Variants in NRG1 observed in about 807,000 individuals in gnomAD.
NRG1 encodes pro-neuregulin-1, membrane-bound isoform.
A neutral mutation model predicts 63.8 loss-of-function variants in NRG1; 18 were observed. The observed-to-expected ratio is 0.28, with a 90% CI of 0.19 to 0.42. NRG1 has a LOEUF of 0.42. Among genes scored for constraint, NRG1 ranks in the 10% least tolerant of loss-of-function variants. The probability of loss-of-function intolerance (pLI) is 1.00; values close to 1 mark genes in which losing one functional copy is unlikely to be tolerated. For missense variants in NRG1, 762 were observed against 814.7 expected (o/e 0.94, Z 0.79); for synonymous variants, 302 against 301.3 (o/e 1.00, Z -0.02).
At chr8:32,658,666 A>G (rs928499448) in intron 5 of NRG1, among the ~76,000 whole-genome samples, 6 of 152,196 alleles carry the variant, frequency 3.9e-5, no homozygotes, top group African/African-American at 1.4e-4. Flanking sequence ...CAGAGACCAC[A>G]TAGAGCCAGA....
chr8:31,647,998 T>G (rs1489103170), intron 1 of NRG1, among the ~76,000 whole-genome samples: 1 of 152,096 alleles, frequency 6.6e-6, no homozygotes, highest in Non-Finnish European at 1.5e-5. Context: ...CTCACTGCAA[T>G]CCATCTCCAG....
At chr8:32,759,741 C>A (rs919020264) in intron 10 of NRG1, among the ~76,000 whole-genome samples, 4 of 152,126 alleles carry the variant, frequency 2.6e-5, no homozygotes, top group African/African-American at 9.7e-5. Flanking sequence ...CAATTTCTTT[C>A]AGTAATTGGA....
intron 1 of NRG1, among the ~76,000 whole-genome samples, chr8:32,345,957 A>G (rs10111842): frequency 0.52 from 78,284 of 151,330 alleles, 21,173 homozygotes; most frequent in Non-Finnish European, 0.61. Flanking sequence ...GCAGTGAGCC[A>G]AGATGGCACC....
chr8:32,626,353 T>C (rs1849265205), intron 5 of NRG1, among the ~76,000 whole-genome samples: 1 of 149,262 alleles, frequency 6.7e-6, no homozygotes, highest in South Asian at 2.1e-4. Flanking sequence ...GACTTTCAAA[T>C]TAAGTTTTTT....
At chr8:31,653,954 G>A (rs1388356008) in intron 1 of NRG1, among the ~76,000 whole-genome samples, 2 of 70,002 alleles carry the variant, frequency 2.9e-5, no homozygotes, top group Admixed American at 1.6e-4. Flanking sequence ...TTCATGATGC[G>A]CTTTTTTTTT....
chr8:32,690,315 C>T (rs1038722574), intron 5 of NRG1, among the ~76,000 whole-genome samples: 3 of 152,052 alleles, frequency 2.0e-5, no homozygotes, highest in Admixed American at 6.6e-5. Flanking sequence ...CTTATCCCCC[C>T]GCCCCCCACA....
chr8:32,763,695 C>T, intron 11 of NRG1, 53 bp from the exon 12 acceptor site: 1 of 1,488,800 alleles, frequency 6.7e-7, no homozygotes, highest in Non-Finnish European at 9.0e-7. Flanking sequence ...ACCTTCCCTG[C>T]TATGTGCCTC....
intron 1 of NRG1, among the ~76,000 whole-genome samples, chr8:32,145,828 A>G (rs1298106919): frequency 1.3e-5 from 2 of 152,184 alleles, no homozygotes; most frequent in Non-Finnish European, 2.9e-5. Context: ...TCTAAAATTC[A>G]CTACTTCTCT....
intron 1 of NRG1, among the ~76,000 whole-genome samples, chr8:31,769,101 A>G (rs1438542031): frequency 6.6e-6 from 1 of 152,316 alleles, no homozygotes; most frequent in East Asian, 1.9e-4. Context: ...CATTTTGCCA[A>G]TTTTGTGTCA....
intron 1 of NRG1, among the ~76,000 whole-genome samples, chr8:32,407,919 A>G (rs911839231): frequency 6.6e-6 from 1 of 152,222 alleles, no homozygotes; most frequent in African/African-American, 2.4e-5. Flanking sequence ...TGCAGAATGT[A>G]TCAGGATGGA....
chr8:31,686,194 C>G (rs1243093286), intron 1 of NRG1, among the ~76,000 whole-genome samples: 1 of 152,140 alleles, frequency 6.6e-6, no homozygotes, highest in Non-Finnish European at 1.5e-5. Flanking sequence ...TAAAATCTGT[C>G]TCCAAAATGG....
chr8:32,006,068 G>A (rs1342564502), intron 1 of NRG1, among the ~76,000 whole-genome samples: 1 of 151,830 alleles, frequency 6.6e-6, no homozygotes, highest in Non-Finnish European at 1.5e-5. Flanking sequence ...GAGTTTCGAG[G>A]CATTATTCAA....
chr8:32,593,854 C>CA (rs11444147), intron 1 of NRG1, among the ~76,000 whole-genome samples: 49,332 of 96,858 alleles, frequency 0.51, 10,996 homozygotes, highest in East Asian at 0.76. Flanking sequence ...TTCAAGGTGT[C>CA]AAAAAAAAAA....
chr8:32,427,151 C>T (rs1817488022), intron 1 of NRG1, among the ~76,000 whole-genome samples: 1 of 152,104 alleles, frequency 6.6e-6, no homozygotes, highest in Admixed American at 6.6e-5. Flanking sequence ...TGTTGTCCTT[C>T]CACATCTGGG....
At chr8:32,702,520 C>T (rs762385339) in intron 5 of NRG1, among the ~76,000 whole-genome samples, 1 of 152,168 alleles carries the variant, frequency 6.6e-6, no homozygotes, top group African/African-American at 2.4e-5. Context: ...GGAGTCTCGC[C>T]TTGTGGCCCA....
chr8:31,720,280 TTGAGTAGATATGTGTA>T (rs1563326666), intron 1 of NRG1, among the ~76,000 whole-genome samples: 1 of 152,038 alleles, frequency 6.6e-6, no homozygotes, highest in Non-Finnish European at 1.5e-5. Context: ...ATATACATTT[TTGAGTAGATATGTGTA>T]TGATTAATTG....
At chr8:32,591,604 A>G (rs940039574) in intron 1 of NRG1, among the ~76,000 whole-genome samples, 1 of 152,228 alleles carries the variant, frequency 6.6e-6, no homozygotes, top group Non-Finnish European at 1.5e-5. Context: ...AGGATGAACC[A>G]TGAGCATTTC....
intron 1 of NRG1, among the ~76,000 whole-genome samples, chr8:32,551,767 T>C (rs1834164843): frequency 6.6e-6 from 1 of 152,114 alleles, no homozygotes; most frequent in Admixed American, 6.5e-5. Context: ...AGAATAGTCT[T>C]GGGTGCTGTA....
At chr8:32,772,978 C>G (rs1564161606) in intron 7 of NRG1, among the ~76,000 whole-genome samples, 1 of 152,032 alleles carries the variant, frequency 6.6e-6, no homozygotes, top group Admixed American at 6.6e-5. Flanking sequence ...TTTTGCAAAA[C>G]AAAGGCCTCC....
Sources: allele counts gnomAD v4.1 joint callset (sites outside exome capture counted in the v4.1 genomes callset), GRCh38; gene constraint gnomAD v4.1.1; transcripts MANE v1.5; gene names NCBI Gene and HGNC (gene_info 2026-07-23, HGNC 2026-07-21).